LARGE1: variants seen among roughly 807,000 people sequenced by gnomAD.
The protein encoded by LARGE1 is LARGE xylosyl- and glucuronyltransferase 1, also known as xylosyl- and glucuronyltransferase LARGE1.
LARGE1 carries 43 observed loss-of-function variants against 87.6 expected under a neutral mutation model. The observed-to-expected ratio is 0.49, with a 90% CI of 0.38 to 0.63. The LOEUF is 0.63. Among genes scored for constraint, LARGE1 ranks in the 30% least tolerant of loss-of-function variants. The pLI is 0.00. For missense variants in LARGE1, 802 were observed against 1,000.2 expected (o/e 0.80, Z 2.67); for synonymous variants, 434 against 394.6 (o/e 1.10, Z -1.18).
At chr22:33,743,595 G>A (rs2083969674) in intron 2 of LARGE1, among the ~76,000 whole-genome samples, 1 of 152,104 alleles carries the variant, frequency 6.6e-6, no homozygotes, top group Non-Finnish European at 1.5e-5. Context: ...AAGTATGTTG[G>A]CTACCCAGCC....
At position 33,311,889 on chromosome 22, in the gene LARGE1, C is replaced by A. The variant is rs5998868; in HGVS notation, c.1451+4196G>T. On this transcript the variant is annotated intron_variant, in intron 11 of 14. Coordinates refer to ENST00000397394, the MANE Select transcript of LARGE1 (RefSeq NM_133642.5). The stretch of plus-strand genomic sequence containing the variant: ...ATCCTTCTTTTATAGAAGGAGGAAA[C>A]GGAAACCCAAAGATGTTAAGTGACT... 2.7e-3 allele frequency among the ~76,000 whole-genome samples: 415 copies of A among 152,228 alleles called. 3 individuals carry two copies. Among genetic ancestry groups the A allele is most frequent in the African/African-American group, 9.6e-3 (400 of 41,534 alleles).
chr22:33,465,576 C>T (rs2068573154), intron 6 of LARGE1, among the ~76,000 whole-genome samples: 1 of 152,258 alleles, frequency 6.6e-6, no homozygotes, highest in Non-Finnish European at 1.5e-5. Context: ...CTTTGCAGGG[C>T]GTTCTGCAGA....
intron 6 of LARGE1, among the ~76,000 whole-genome samples, chr22:33,562,352 A>G (rs978221331): frequency 1.4e-4 from 22 of 152,210 alleles, no homozygotes; most frequent in African/African-American, 5.1e-4. Context: ...ATAAAAACGC[A>G]ATGCACTCTG....
the LARGE1 span, among the ~76,000 whole-genome samples, chr22:33,088,583 T>C: frequency 1.3e-5 from 2 of 152,172 alleles, no homozygotes; most frequent in Middle Eastern, 3.2e-3. Flanking sequence ...GGGAGGCCCG[T>C]GTTACTGGCA....
chr22:33,276,733 T>G (rs1929374266), intron 14 of LARGE1, among the ~76,000 whole-genome samples: 1 of 152,250 alleles, frequency 6.6e-6, no homozygotes, highest in Admixed American at 6.5e-5. Context: ...GCTTCGTGTC[T>G]GTTACGTGAC....
intron 6 of LARGE1, among the ~76,000 whole-genome samples, chr22:33,471,987 T>G (rs546003238): frequency 3.3e-5 from 5 of 151,752 alleles, no homozygotes; most frequent in Non-Finnish European, 7.4e-5. Context: ...GAGGTGGAGG[T>G]TGCAGTGAGC....
chr22:33,759,515 T>C (rs965552288), intron 2 of LARGE1, among the ~76,000 whole-genome samples: 4 of 152,126 alleles, frequency 2.6e-5, no homozygotes, highest in Admixed American at 1.3e-4. Flanking sequence ...CAAAGAATCA[T>C]TGTGAAGAAA....
At chr22:33,243,331 TATC>T (rs1209686583) in intron 11 of LARGE1, among the ~76,000 whole-genome samples, 1 of 152,220 alleles carries the variant, frequency 6.6e-6, no homozygotes, top group African/African-American at 2.4e-5. Context: ...CTTCTACCAC[TATC>T]AAGATATAAA....
At chr22:33,869,808 T>C (rs12485060) in intron 1 of LARGE1, among the ~76,000 whole-genome samples, 72,263 of 151,956 alleles carry the variant, frequency 0.48, 17,496 homozygotes, top group East Asian at 0.61. Context: ...AGATGGGAAA[T>C]AGAAATTCAA....
chr22:33,315,827 A>G (rs1370015282), intron 11 of LARGE1, among the ~76,000 whole-genome samples: 3 of 151,912 alleles, frequency 2.0e-5, no homozygotes, highest in African/African-American at 7.3e-5. Flanking sequence ...ACGGGGTTTC[A>G]CCATGTTGGC....
intron 7 of LARGE1, among the ~76,000 whole-genome samples, chr22:33,420,848 G>A (rs2066665361): frequency 6.6e-6 from 1 of 152,148 alleles, no homozygotes; most frequent in South Asian, 2.1e-4. Flanking sequence ...ACTGTCAAAA[G>A]ACACAGACGT....
chr22:33,459,125 C>T (rs756771486), intron 6 of LARGE1, among the ~76,000 whole-genome samples: 1 of 152,100 alleles, frequency 6.6e-6, no homozygotes. Flanking sequence ...TCCCTCCCAT[C>T]ACCCCTCGGC....
rs61494645 is a variant in LARGE1 at position 33,591,858 on chromosome 22, AT to A, written c.615+12576del. Among the ~76,000 whole-genome samples, 1,292 of 129,854 alleles carry A rather than the reference AT, an allele frequency of 9.9e-3. 25 individuals are homozygous for A. Among genetic ancestry groups the A allele is most frequent in the African/African-American group, 0.034 (1,110 of 32,360 alleles). 85.2% of individuals were successfully genotyped at this position (129,854 alleles called of 152,430 possible). On this transcript the variant is annotated intron_variant, in intron 5 of 14. Transcript: ENST00000397394. ...CCGTCTCTCCAAAAAAAAAAAAAAA[AT>A]TTTTTTTTTTTTTTAAATTAGCCAG...
intron 1 of LARGE1, among the ~76,000 whole-genome samples, chr22:33,842,579 C>T (rs996019062): frequency 4.6e-5 from 7 of 152,144 alleles, no homozygotes; most frequent in Non-Finnish European, 7.3e-5. Flanking sequence ...CGAAGCAAGC[C>T]ACTCCAAAAC....
At chr22:33,665,481 T>C (rs1473575796) in intron 2 of LARGE1, among the ~76,000 whole-genome samples, 3 of 152,158 alleles carry the variant, frequency 2.0e-5, no homozygotes, top group African/African-American at 7.2e-5. Context: ...GGATTTCAAA[T>C]GAGGATCAAG....
chr22:33,836,659 C>T (rs929214780), intron 1 of LARGE1, among the ~76,000 whole-genome samples: 2 of 152,132 alleles, frequency 1.3e-5, no homozygotes, highest in African/African-American at 4.8e-5. Context: ...AAAGAATGAG[C>T]TTCAGCAACA....
the LARGE1 span, among the ~76,000 whole-genome samples, chr22:33,136,842 G>A: frequency 1.6e-4 from 25 of 152,210 alleles, no homozygotes; most frequent in African/African-American, 5.8e-4. Context: ...GGAAATAAAG[G>A]AGTGGGTATT....
the LARGE1 span, among the ~76,000 whole-genome samples, chr22:33,142,210 T>C: frequency 6.6e-6 from 1 of 152,234 alleles, no homozygotes; most frequent in Non-Finnish European, 1.5e-5. Flanking sequence ...CCTTCCTAGT[T>C]AGCCAGGGAC....
At chr22:33,198,563 T>C (rs1176555932) in intron 11 of LARGE1, among the ~76,000 whole-genome samples, 1 of 149,546 alleles carries the variant, frequency 6.7e-6, no homozygotes, top group Admixed American at 6.7e-5. Flanking sequence ...GTGAATATTG[T>C]ACCCAGTAGG....
Sources: gnomAD v4.1 joint callset for allele counts (sites outside exome capture counted in the v4.1 genomes callset) on GRCh38, gnomAD v4.1.1 for gene constraint, MANE v1.5 for transcripts, NCBI Gene and HGNC (gene_info 2026-07-23, HGNC 2026-07-21) for gene names.